The following PDZD8 variants were observed in gnomAD, a reference collection of about 807,000 sequenced individuals.
PDZD8 encodes the protein PDZ domain containing 8.
In PDZD8, 14 loss-of-function variants were observed where a neutral mutation model predicts 85.8. The ratio of observed to expected loss-of-function variants is 0.16; its 90% confidence interval spans 0.11 to 0.26. The LOEUF is 0.26. PDZD8 is among the 10% of genes least tolerant of loss of function. PDZD8 has a pLI of 1.00. For missense variants in PDZD8, 1,197 were observed against 1,424.3 expected (o/e 0.84, Z 2.57); for synonymous variants, 592 against 568.6 (o/e 1.04, Z -0.59).
At chr10:117,345,618 G>A (rs953989311) in intron 1 of PDZD8, among the ~76,000 whole-genome samples, 17 of 151,886 alleles carry the variant, frequency 1.1e-4, no homozygotes, top group African/African-American at 4.1e-4. Context: ...TAAAGTGTCT[G>A]GTTTCCAAGA....
chr10:117,340,505 C>T (rs1050152736), intron 2 of PDZD8, among the ~76,000 whole-genome samples: 1 of 152,182 alleles, frequency 6.6e-6, no homozygotes, highest in Non-Finnish European at 1.5e-5. Context: ...ACTGATCCCA[C>T]ATTGCTTCTT....
chr10:117,335,348 A>T (rs1844498443), intron 2 of PDZD8, among the ~76,000 whole-genome samples: 1 of 152,234 alleles, frequency 6.6e-6, no homozygotes, highest in African/African-American at 2.4e-5. Flanking sequence ...AAGGAATACC[A>T]GATGACAATT....
At chr10:117,359,408 CCT>C (rs936715326) in intron 1 of PDZD8, among the ~76,000 whole-genome samples, 1 of 146,076 alleles carries the variant, frequency 6.8e-6, no homozygotes, top group African/African-American at 2.5e-5. Flanking sequence ...AGAGCGAGAC[CCT>C]GTTTCAAAAA....
At chr10:117,348,750 C>T (rs994936296) in intron 1 of PDZD8, among the ~76,000 whole-genome samples, 17 of 152,096 alleles carry the variant, frequency 1.1e-4, no homozygotes, top group African/African-American at 2.9e-4. Flanking sequence ...AGAGTTACAC[C>T]GAGGGTTGCA....
intron 3 of PDZD8, among the ~76,000 whole-genome samples, chr10:117,303,635 C>A (rs149578678): frequency 0.022 from 3,370 of 152,312 alleles, 129 homozygotes; most frequent in African/African-American, 0.076. Context: ...ATCACAGGCC[C>A]AGAGGCCCAG....
At chr10:117,298,553 T>C (rs183487938) in intron 3 of PDZD8, among the ~76,000 whole-genome samples, 2 of 152,302 alleles carry the variant, frequency 1.3e-5, no homozygotes, top group African/African-American at 2.4e-5. Flanking sequence ...TTTATAACTA[T>C]CATCAATACA....
intron 2 of PDZD8, among the ~76,000 whole-genome samples, chr10:117,340,053 T>C (rs566394374): frequency 1.8e-4 from 27 of 152,292 alleles, no homozygotes; most frequent in Non-Finnish European, 2.2e-4. Flanking sequence ...AGTAAGTAGC[T>C]CAAGCAAGAT....
rs760414313 is a variant in PDZD8 at position 117,375,125 on chromosome 10, C to T, written c.103G>A (p.Ala35Thr). Residue 35 changes from alanine (A) to threonine (T), a missense_variant, in exon 1 of 5, where the codon GCG becomes ACG. Around this residue, in one of 4 missense-constraint regions of PDZD8, gnomAD observed 172 missense variants for 137.8 expected, o/e 1.25. Coordinates refer to ENST00000334464, the MANE Select transcript of PDZD8 (RefSeq NM_173791.5). ...LLYRRQPEPPADEAARAGEGF... is the reference protein window; with the variant it reads ...LLYRRQPEPPTDEAARAGEGF... Reference sequence around the variant, plus strand: ...TCGCCCGCGCGGGCGGCCTCGTCCGCCGGCGGCTCGGGCTGTCTGCGGTAC... The same window carrying T: ...TCGCCCGCGCGGGCGGCCTCGTCCGTCGGCGGCTCGGGCTGTCTGCGGTAC... 17 of 1,592,246 alleles carry T rather than the reference C, an allele frequency of 1.1e-5. No homozygotes were observed. The highest frequency in any genetic ancestry group is 1.4e-5 in the Non-Finnish European group (16 of 1,175,062).
At chr10:117,330,031 A>G in intron 2 of PDZD8, among the ~76,000 whole-genome samples, 1 of 10,624 alleles carries the variant, frequency 9.4e-5, no homozygotes, top group African/African-American at 3.7e-4. Flanking sequence ...GGAGGGAAGG[A>G]GGGAGGGAGG....
At chr10:117,329,644 T>C (rs1844381249) in intron 2 of PDZD8, among the ~76,000 whole-genome samples, 1 of 152,012 alleles carries the variant, frequency 6.6e-6, no homozygotes, top group Non-Finnish European at 1.5e-5. Context: ...AAGTCATTTC[T>C]ACAAAGAAAA....
intron 3 of PDZD8, among the ~76,000 whole-genome samples, chr10:117,316,945 T>C (rs1300853984): frequency 6.6e-6 from 1 of 152,168 alleles, no homozygotes; most frequent in African/African-American, 2.4e-5. Context: ...TGACATGTGC[T>C]TTTGGCCAGC....
intron 4 of PDZD8, 54 bp from the exon 5 acceptor site, chr10:117,285,525 T>C: frequency 2.8e-6 from 4 of 1,423,172 alleles, no homozygotes; most frequent in South Asian, 1.5e-5. Flanking sequence ...TAGAAATTAC[T>C]ACATTTGTTA....
In PDZD8 at chr10:117,283,356, T is replaced by C. The variant is rs141130330; in HGVS notation, c.3377A>G (p.Asp1126Gly). Reference sequence around the variant, plus strand: ...TAGTTGGCTTATTTCATTATCAAGGTCTTCTTCTGTATCATCTGTGTACTT... The same window carrying C: ...TAGTTGGCTTATTTCATTATCAAGGCCTTCTTCTGTATCATCTGTGTACTT... ...ISKYTDDTEEDLDNEISQLID... is the reference protein window; with the variant it reads ...ISKYTDDTEEGLDNEISQLID... Residue 1126 changes from aspartate to glycine, a missense_variant, in exon 5 of 5, where the codon GAC becomes GGC. Asp to Gly is a moderately conservative substitution (Grantham distance 94). This residue lies in a region of PDZD8 where 418 missense variants were observed against 571.1 expected (regional missense o/e 0.73). Coordinates refer to ENST00000334464, the MANE Select transcript of PDZD8 (RefSeq NM_173791.5). 2.9e-5 allele frequency: 47 copies of C among 1,613,990 alleles called. No individual in the cohort carries two copies. In the Admixed American group the frequency reaches 3.0e-4, roughly 10 times the overall value.
chr10:117,369,593 T>C (rs1845154573), intron 1 of PDZD8, among the ~76,000 whole-genome samples: 1 of 152,206 alleles, frequency 6.6e-6, no homozygotes, highest in Non-Finnish European at 1.5e-5. Flanking sequence ...TCAGCAACAG[T>C]AATGCTCCCT....
At chr10:117,290,405 A>G in intron 3 of PDZD8, 57 bp from the exon 4 acceptor site, 3 of 1,379,260 alleles carry the variant, frequency 2.2e-6, no homozygotes, top group Non-Finnish European at 3.0e-6. Flanking sequence ...GTAATAGAGG[A>G]AAAAAACAGT....
chr10:117,284,127 C>T lies in PDZD8; in HGVS notation c.2606G>A (p.Cys869Tyr). The T allele has an allele frequency of 6.2e-7, 1 of 1,614,158 alleles. No homozygotes were observed. Among genetic ancestry groups the T allele is most frequent in the Non-Finnish European group, 8.5e-7 (1 of 1,180,036 alleles). The stretch of plus-strand genomic sequence containing the variant: ...ATGGCAAACATAAGCACAAAACATA[C>T]ACTGGGAAGCTGCTTTAGTCCAAAC... ...KKVWTKAASQ[C>Y]MFCAYVCHKK... is the part of the protein sequence containing the mutation. The change falls in exon 5 of 5, where the codon TGT becomes TAT. Residue 869 changes from cysteine (C) to tyrosine (Y), a missense_variant. Physicochemically the swap from Cys to Tyr is radical, Grantham distance 194 (BLOSUM62 -2). This residue lies in a region of PDZD8 where 418 missense variants were observed against 571.1 expected (regional missense o/e 0.73). Transcript: ENST00000334464.
At chr10:117,296,708 A>T (rs1431493490) in intron 3 of PDZD8, among the ~76,000 whole-genome samples, 1 of 152,138 alleles carries the variant, frequency 6.6e-6, no homozygotes, top group Non-Finnish European at 1.5e-5. Flanking sequence ...TTAATAGGGA[A>T]AAGGGTATAC....
chr10:117,370,954 T>TGTGTGTGTGTG (rs1406461656), intron 1 of PDZD8, among the ~76,000 whole-genome samples: 2 of 101,178 alleles, frequency 2.0e-5, no homozygotes, highest in African/African-American at 9.1e-5. Flanking sequence ...GTGTGTGTGT[T>TGTGTGTGTGTG]TAAAGGTGGC....
At chr10:117,355,611 G>C (rs903662364) in intron 1 of PDZD8, among the ~76,000 whole-genome samples, 1 of 151,806 alleles carries the variant, frequency 6.6e-6, no homozygotes, top group Non-Finnish European at 1.5e-5. Context: ...CTGAGACTCG[G>C]TTTCCTCAGA....
Sources: gnomAD v4.1 joint callset for allele counts (sites outside exome capture counted in the v4.1 genomes callset) on GRCh38, gnomAD v4.1.1 for gene constraint, gnomAD v4.1.1 regional missense constraint, MANE v1.5 for transcripts, NCBI Gene and HGNC (gene_info 2026-07-23, HGNC 2026-07-21) for gene names.